Variants in TEX26 observed in about 807,000 individuals in gnomAD.
The protein encoded by TEX26 is testis expressed 26, also known as testis-expressed protein 26.
In TEX26, 34 loss-of-function variants were observed where a neutral mutation model predicts 35.3. That is an observed-to-expected ratio of 0.96 (90% CI 0.73 to 1.28). The LOEUF is 1.28. Ranked by LOEUF, TEX26 falls within the 50% of genes most tolerant of loss-of-function variation. The probability of loss-of-function intolerance (pLI) is 0.00; values close to 1 mark genes in which losing one functional copy is unlikely to be tolerated. For synonymous variants in TEX26, 136 were observed against 111.8 expected (o/e 1.22, Z -1.36); for missense variants, 371 against 330.1 (o/e 1.12, Z -0.96).
rs561162891 is a variant in TEX26, at chr13:30,959,384, G to T, written c.469+2355G>T. On this transcript the variant is annotated intron_variant, in intron 4 of 6. Transcript: ENST00000380473. ...TCCTCTTCATTCATGAATTTTAGAC[G>T]TTATTGACTTCTGTTTTGGAAGCTG... Among the ~76,000 whole-genome samples the T allele has an allele frequency of 2.0e-5, 3 of 152,078 alleles. No homozygotes were observed. In the South Asian group the frequency reaches 6.2e-4, roughly 32 times the overall value.
In TEX26 at chr13:30,952,655, T is replaced by A. The variant is rs201587722; in HGVS notation, c.147-5T>A. The A allele has an allele frequency of 2.4e-4, 374 of 1,564,180 alleles. 1 individual carries two copies. Among genetic ancestry groups the A allele is most frequent in the Admixed American group, 7.1e-4 (35 of 49,304 alleles). ...AACTCTAATTTCTGCTGGGTTTTTTTATAGCCAAAACGGTATCAGAAGATT... is the reference window on the plus strand; with the variant it reads ...AACTCTAATTTCTGCTGGGTTTTTTAATAGCCAAAACGGTATCAGAAGATT... On this transcript the variant is annotated splice_polypyrimidine_tract_variant and splice_region_variant and intron_variant, in intron 2 of 6. Coordinates refer to ENST00000380473, the MANE Select transcript of TEX26 (RefSeq NM_152325.3).
intron 3 of TEX26, among the ~76,000 whole-genome samples, chr13:30,953,957 T>C (rs1954026164): frequency 6.6e-6 from 1 of 152,180 alleles, no homozygotes; most frequent in Admixed American, 6.5e-5. Context: ...AAGAGGAAAG[T>C]ATAATGTTCA....
chr13:30,968,215 C>T (rs545549716), intron 5 of TEX26, among the ~76,000 whole-genome samples: 14 of 152,204 alleles, frequency 9.2e-5, no homozygotes, highest in African/African-American at 2.9e-4. Flanking sequence ...TTTATATCAT[C>T]TTGAGGTTAT....
rs1195022001 is a variant in TEX26 at position 30,968,947 on chromosome 13, C to A, written c.709C>A (p.Gln237Lys). 5 of 1,613,958 alleles carry A rather than the reference C, an allele frequency of 3.1e-6. No individual in the cohort carries two copies. Among genetic ancestry groups the A allele is most frequent in the Non-Finnish European group, 4.2e-6 (5 of 1,179,964 alleles). Residue 237 changes from glutamine (Q) to lysine (K), a missense_variant, in exon 6 of 7, where the codon CAA (glutamine) becomes AAA (lysine). By Grantham distance (53) the Gln-to-Lys change is moderately conservative (BLOSUM62 1). Coordinates refer to ENST00000380473, the MANE Select transcript of TEX26 (RefSeq NM_152325.3). ...QEHTKKQTTY[Q>K]SDYDKTYPDF... ...GCACACAAAGAAACAGACCACATAC[C>A]AAAGTGACTACGACAAAACCTACCC...
chr13:30,956,055 T>G (rs1954114420), intron 3 of TEX26, among the ~76,000 whole-genome samples: 1 of 152,158 alleles, frequency 6.6e-6, no homozygotes, highest in Non-Finnish European at 1.5e-5. Context: ...AGGGTACATG[T>G]GCACAACGTG....
Position 30,957,035 on chromosome 13 carries a change from C to G in TEX26, c.469+6C>G. 1 of 1,612,010 alleles carries G rather than the reference C, an allele frequency of 6.2e-7. No homozygotes were observed. The highest frequency in any genetic ancestry group is 1.3e-5 in the African/African-American group (1 of 74,958). On this transcript the variant is annotated splice_donor_region_variant and intron_variant, in intron 4 of 6. Transcript: ENST00000380473. ...CTTTGTGGACAGATCAAAAGGTAAA[C>G]ACTTTTGTTTTTCTTTTTTTCCTGG...
At chr13:30,966,984 G>T (rs1372092283) in intron 5 of TEX26, among the ~76,000 whole-genome samples, 1 of 152,156 alleles carries the variant, frequency 6.6e-6, no homozygotes, top group East Asian at 1.9e-4. Context: ...GAGGGGCAGT[G>T]GTTGGGATTA....
intron 2 of TEX26, among the ~76,000 whole-genome samples, chr13:30,941,982 T>C (rs1260415305): frequency 6.6e-6 from 1 of 152,174 alleles, no homozygotes; most frequent in Admixed American, 6.5e-5. Context: ...ACATGTACAG[T>C]TGTCTTTTTA....
intron 2 of TEX26, among the ~76,000 whole-genome samples, chr13:30,947,037 C>G (rs898826506): frequency 6.6e-6 from 1 of 151,958 alleles, no homozygotes; most frequent in Non-Finnish European, 1.5e-5. Flanking sequence ...ATTGATCATG[C>G]TATTATACTT....
chr13:30,945,150 G>A (rs1350844010), intron 2 of TEX26, among the ~76,000 whole-genome samples: 2 of 151,818 alleles, frequency 1.3e-5, no homozygotes, highest in Admixed American at 6.6e-5. Context: ...ACAAATTTAG[G>A]ATTGTAATAT....
chr13:30,940,013 G>A (rs978133203), intron 2 of TEX26, among the ~76,000 whole-genome samples: 8 of 152,022 alleles, frequency 5.3e-5, no homozygotes, highest in African/African-American at 1.9e-4. Context: ...TTTTCATAAA[G>A]TTCCTGTATA....
rs1052162492 is a variant in TEX26 at position 30,966,373 on chromosome 13, C to T, written c.621C>T (p.Ser207=). 5.0e-6 allele frequency: 8 copies of T among 1,612,562 alleles called. No homozygotes were observed. Among genetic ancestry groups the T allele is most frequent in the Non-Finnish European group, 6.8e-6 (8 of 1,179,536 alleles). The change falls in exon 5 of 7, where the codon AGC becomes AGT. Residue 207 remains serine, a synonymous_variant. Transcript: ENST00000380473. The part of the protein sequence containing the change: ...DFSFKYGCYS[S]LPVASQGLVP... ...GTTTCAAATATGGATGCTACTCAAGCTTGCCTGTTGCTTCTCAGGGTCTAG... is the reference window on the plus strand; with the variant it reads ...GTTTCAAATATGGATGCTACTCAAGTTTGCCTGTTGCTTCTCAGGGTCTAG...
chr13:30,975,084 T>C lies in TEX26; in HGVS notation c.*177T>C. 2 of 471,730 alleles carry C rather than the reference T, an allele frequency of 4.2e-6. No individual in the cohort carries two copies. The highest frequency in any genetic ancestry group is 7.3e-6 in the Non-Finnish European group (2 of 273,732). 29.2% of individuals were successfully genotyped at this position (471,730 alleles called of 1,614,324 possible). ...TATTTTTAAACAATAAAATTAAGGC[T>C]ACAAAATTTTCCCTGAACATAGCTT... is the stretch of plus-strand genomic sequence containing the variant. On this transcript the variant is annotated 3_prime_UTR_variant, in exon 7 of 7. Coordinates refer to ENST00000380473, the MANE Select transcript of TEX26 (RefSeq NM_152325.3).
intron 3 of TEX26, among the ~76,000 whole-genome samples, chr13:30,955,617 A>G (rs1212505161): frequency 2.0e-5 from 3 of 152,244 alleles, no homozygotes; most frequent in Non-Finnish European, 4.4e-5. Context: ...AGTAACTAGA[A>G]GGGGAAGTAC....
intron 2 of TEX26, among the ~76,000 whole-genome samples, chr13:30,950,356 G>A (rs148391009): frequency 6.6e-6 from 1 of 152,098 alleles, no homozygotes; most frequent in African/African-American, 2.4e-5. Context: ...CTCCACCCTG[G>A]GTGACAGAGT....
intron 1 of TEX26, among the ~76,000 whole-genome samples, chr13:30,938,164 G>A (rs1276467403): frequency 6.6e-6 from 1 of 152,086 alleles, no homozygotes; most frequent in Non-Finnish European, 1.5e-5. Context: ...CATATATAAA[G>A]CAGCAGGTAA....
chr13:30,940,685 C>T (rs1419637448), intron 2 of TEX26, among the ~76,000 whole-genome samples: 1 of 152,088 alleles, frequency 6.6e-6, no homozygotes, highest in Non-Finnish European at 1.5e-5. Flanking sequence ...GCATAGAGAG[C>T]CTTCAATTAT....
intron 4 of TEX26, among the ~76,000 whole-genome samples, chr13:30,964,318 T>A (rs1268291036): frequency 6.6e-6 from 1 of 152,228 alleles, no homozygotes; most frequent in Non-Finnish European, 1.5e-5. Context: ...CAGGTGATTC[T>A]GATGTCATAT....
Position 30,974,915 on chromosome 13 carries a change from A to T in TEX26, c.*8A>T. ...AACAAAAAGAAGAAATGAAAAGGGA[A>T]AATAGTACAAATGAAGAAAATCTGA... is the stretch of plus-strand genomic sequence containing the variant. On this transcript the variant is annotated 3_prime_UTR_variant, in exon 7 of 7. Coordinates refer to ENST00000380473, the MANE Select transcript of TEX26 (RefSeq NM_152325.3). 6.5e-7 allele frequency: 1 copy of T among 1,531,954 alleles called. No individual in the cohort carries two copies. The highest frequency in any genetic ancestry group is 1.2e-5 in the South Asian group (1 of 80,126). 94.9% of individuals were successfully genotyped at this position (1,531,954 alleles called of 1,614,324 possible). A position where few individuals can be genotyped will look rare whatever the true frequency, so the allele number is the denominator to read the frequency against.
Sources: allele counts gnomAD v4.1 joint callset (sites outside exome capture counted in the v4.1 genomes callset), GRCh38; gene constraint gnomAD v4.1.1; transcripts MANE v1.5; gene names NCBI Gene and HGNC (gene_info 2026-07-23, HGNC 2026-07-21).